ELMOD1: variants seen among roughly 807,000 people sequenced by gnomAD.
ELMOD1 encodes ELMO domain-containing protein 1.
A neutral mutation model predicts 46.7 loss-of-function variants in ELMOD1; 21 were observed. The ratio of observed to expected loss-of-function variants is 0.45; its 90% CI spans 0.32 to 0.65. The LOEUF (loss-of-function observed/expected upper bound fraction) is 0.65. ELMOD1 is among the 30% of genes least tolerant of loss of function. The probability of loss-of-function intolerance (pLI) is 0.04; values close to 1 mark genes in which losing one functional copy is unlikely to be tolerated. For synonymous variants in ELMOD1, 122 were observed against 138.2 expected, an observed-to-expected ratio of 0.88 and a Z score of 0.82; for missense variants, 348 against 407.8, an observed-to-expected ratio of 0.85 and a Z score of 1.26.
intron 1 of ELMOD1, among the ~76,000 whole-genome samples, chr11:107,615,277 C>G (rs1022530566): frequency 1.3e-4 from 16 of 125,928 alleles, no homozygotes; most frequent in African/African-American, 5.0e-4. Flanking sequence ...CACTCTGTCA[C>G]CAGGCTGGAG....
chr11:107,643,833 G>C (rs1866370338), intron 6 of ELMOD1: 1 of 296,284 alleles, frequency 3.4e-6, no homozygotes, highest in Middle Eastern at 1.4e-3. Context: ...TGCCCAGCCT[G>C]GTCCACCTCA....
chr11:107,640,111 C>T (rs1348865495), intron 6 of ELMOD1, among the ~76,000 whole-genome samples: 2 of 152,192 alleles, frequency 1.3e-5, no homozygotes, highest in Non-Finnish European at 2.9e-5. Context: ...TCAAGCAATT[C>T]TCCAGCCTCA....
intron 1 of ELMOD1, among the ~76,000 whole-genome samples, chr11:107,614,924 A>G (rs945220000): frequency 1.3e-5 from 2 of 152,028 alleles, no homozygotes; most frequent in African/African-American, 4.8e-5. Flanking sequence ...CAACCCCTAC[A>G]TCTAGGCTAA....
chr11:107,600,007 C>T lies in ELMOD1; in HGVS notation c.-86+8598C>T, dbSNP rs7950616. On this transcript the variant is annotated intron_variant, in intron 1 of 11. Coordinates refer to ENST00000265840, the MANE Select transcript of ELMOD1 (RefSeq NM_018712.4). ...GACTTTCTTGGCTGTAAAAAAAATA[C>T]CTAGCATACCTGTGATGATTCTCAA... is the stretch of plus-strand genomic sequence containing the variant. Among the ~76,000 whole-genome samples, 722 of 152,066 alleles carry T rather than the reference C, an allele frequency of 4.7e-3. 2 individuals carry two copies. The highest frequency in any genetic ancestry group is 0.016 in the African/African-American group (658 of 41,516).
intron 2 of ELMOD1, among the ~76,000 whole-genome samples, chr11:107,627,379 C>T (rs1866061515): frequency 1.3e-5 from 2 of 152,162 alleles, no homozygotes; most frequent in South Asian, 4.1e-4. Flanking sequence ...GAGTGGTGAA[C>T]CCTAAGAAAT....
intron 1 of ELMOD1, among the ~76,000 whole-genome samples, chr11:107,612,538 C>G (rs1467114495): frequency 6.6e-6 from 1 of 152,142 alleles, no homozygotes; most frequent in Non-Finnish European, 1.5e-5. Flanking sequence ...AAAAATTCTC[C>G]CCATGCTTAG....
At chr11:107,601,183 A>G (rs372048561) in intron 1 of ELMOD1, among the ~76,000 whole-genome samples, 11 of 152,010 alleles carry the variant, frequency 7.2e-5, no homozygotes, top group African/African-American at 2.7e-4. Flanking sequence ...TATCAGATTT[A>G]TTGATTTTCC....
At chr11:107,656,501 GAGAA>G (rs1866636411) in intron 11 of ELMOD1, among the ~76,000 whole-genome samples, 1 of 150,298 alleles carries the variant, frequency 6.7e-6, no homozygotes, top group Non-Finnish European at 1.5e-5. Context: ...GAGAGAGAAA[GAGAA>G]AGAGAGAGAT....
At chr11:107,628,911 T>G (rs1866090513) in intron 2 of ELMOD1, among the ~76,000 whole-genome samples, 1 of 152,120 alleles carries the variant, frequency 6.6e-6, no homozygotes, top group African/African-American at 2.4e-5. Flanking sequence ...CTATTAAAAT[T>G]TTTGTTTTAT....
intron 6 of ELMOD1, among the ~76,000 whole-genome samples, chr11:107,641,939 C>CTTTT (rs34475862): frequency 8.0e-5 from 8 of 100,474 alleles, no homozygotes; most frequent in East Asian, 2.9e-4. Context: ...TGAGCTTACT[C>CTTTT]TTTTTTTTTT....
intron 5 of ELMOD1, among the ~76,000 whole-genome samples, chr11:107,634,079 C>T (rs1240495381): frequency 1.3e-5 from 2 of 152,088 alleles, no homozygotes; most frequent in African/African-American, 4.8e-5. Flanking sequence ...TGATGATGTA[C>T]AGTGATTATA....
At position 107,618,160 on chromosome 11, in the gene ELMOD1, T is replaced by C; in HGVS notation, c.-30T>C. On this transcript the variant is annotated 5_prime_UTR_variant, in exon 2 of 12. Transcript: ENST00000265840. ...GAAGCAATTACTTGAGGACAGTTCA[T>C]ATAGCATCTGGACAGTCAACACGGG... 1 of 1,564,410 alleles carries C rather than the reference T, an allele frequency of 6.4e-7. No individual in the cohort carries two copies. Among genetic ancestry groups the C allele is most frequent in the Non-Finnish European group, 8.7e-7 (1 of 1,153,378 alleles).
At chr11:107,635,856 G>C in intron 6 of ELMOD1, 91 bp downstream of exon 6, 1 of 1,354,928 alleles carries the variant, frequency 7.4e-7, no homozygotes, top group Non-Finnish European at 9.9e-7. Flanking sequence ...CTGGACATCA[G>C]GGGTACAAAG....
At chr11:107,615,985 C>CTTTTTTT (rs57135460) in intron 1 of ELMOD1, among the ~76,000 whole-genome samples, 1 of 74,056 alleles carries the variant, frequency 1.4e-5, no homozygotes, top group African/African-American at 5.5e-5. Context: ...CAGGTTTTTC[C>CTTTTTTT]TTTTTTTTTT....
intron 6 of ELMOD1, among the ~76,000 whole-genome samples, chr11:107,637,884 A>T (rs1263573964): frequency 1.3e-5 from 2 of 151,236 alleles, no homozygotes; most frequent in African/African-American, 4.9e-5. Context: ...TGTTGGAGGG[A>T]TTTTTTTTTC....
At chr11:107,662,255 T>C (rs1294374887) in intron 11 of ELMOD1, among the ~76,000 whole-genome samples, 7 of 152,178 alleles carry the variant, frequency 4.6e-5, no homozygotes, top group Non-Finnish European at 1.0e-4. Flanking sequence ...GTGATCCTCC[T>C]GCCTCAGCCT....
chr11:107,662,237 G>A (rs531016442), intron 11 of ELMOD1, among the ~76,000 whole-genome samples: 1 of 152,266 alleles, frequency 6.6e-6, no homozygotes, highest in East Asian at 1.9e-4. Context: ...TCAAACTCCT[G>A]GGCTCAAGTG....
chr11:107,628,623 C>T (rs1268975520), intron 2 of ELMOD1, among the ~76,000 whole-genome samples: 1 of 151,070 alleles, frequency 6.6e-6, no homozygotes, highest in African/African-American at 2.4e-5. Flanking sequence ...TTGACTAGAA[C>T]AGTTGAATGA....
Position 107,665,240 on chromosome 11 carries a change from A to C in ELMOD1, c.*43A>C. 2.5e-6 allele frequency: 4 copies of C among 1,593,344 alleles called. No homozygotes were observed. Among genetic ancestry groups the C allele is most frequent in the Non-Finnish European group, 3.4e-6 (4 of 1,166,086 alleles). On this transcript the variant is annotated 3_prime_UTR_variant, in exon 12 of 12. Coordinates refer to ENST00000265840, the MANE Select transcript of ELMOD1 (RefSeq NM_018712.4). The stretch of plus-strand genomic sequence containing the variant: ...AATGGATACCCTGGAACACTGCCTC[A>C]TTGTCTTGTTAGATCTCTGCTTAGG...
Sources: gnomAD v4.1 joint callset for allele counts (sites outside exome capture counted in the v4.1 genomes callset) on GRCh38, gnomAD v4.1.1 for gene constraint, MANE v1.5 for transcripts, NCBI Gene and HGNC (gene_info 2026-07-23, HGNC 2026-07-21) for gene names.